SLC45A3: variants seen among roughly 807,000 people sequenced by gnomAD.
SLC45A3 encodes the protein prostate cancer associated protein 2.
SLC45A3 carries 17 observed loss-of-function variants against 35.3 expected under a neutral mutation model. The observed-to-expected ratio is 0.48, with a 90% CI of 0.33 to 0.72. SLC45A3 has a LOEUF of 0.72. SLC45A3 is among the 30% of genes least tolerant of loss of function. The probability of loss-of-function intolerance (pLI) is 0.02; values close to 1 mark genes in which losing one functional copy is unlikely to be tolerated. For missense variants in SLC45A3, 597 were observed against 731.7 expected, an observed-to-expected ratio of 0.82 and a Z score of 2.12; for synonymous variants, 288 against 334.3, an observed-to-expected ratio of 0.86 and a Z score of 1.51.
intron 4 of SLC45A3, 141 bp downstream of exon 4, chr1:205,661,720 G>A: frequency 7.9e-7 from 1 of 1,260,576 alleles, no homozygotes; most frequent in South Asian, 1.6e-5. Context: ...CTCTGGCCCT[G>A]GGGCTAGGAT....
chr1:205,670,945 T>A (rs923986403), intron 1 of SLC45A3, among the ~76,000 whole-genome samples: 7 of 152,150 alleles, frequency 4.6e-5, no homozygotes, highest in Non-Finnish European at 8.8e-5. Flanking sequence ...ACCCCCAATG[T>A]GTGAAAACCC....
In SLC45A3 at chr1:205,662,651, G is replaced by T; in HGVS notation, c.958+182C>A. On this transcript the variant is annotated intron_variant, in intron 3 of 4. Coordinates refer to ENST00000367145, the MANE Select transcript of SLC45A3 (RefSeq NM_033102.3). The surrounding 1 kb of genome is among the most constrained non-coding windows in gnomAD (Gnocchi z 6.2). Reference sequence around the variant, plus strand: ...TCCTAGAGCAGCCAGAGGCCTTCCTGAAACCGCAAGCAGAGATGTTCCACA... The same window carrying T: ...TCCTAGAGCAGCCAGAGGCCTTCCTTAAACCGCAAGCAGAGATGTTCCACA... 1 of 1,384,634 alleles carries T rather than the reference G, an allele frequency of 7.2e-7. No homozygotes were observed. Among genetic ancestry groups the T allele is most frequent in the Admixed American group, 3.2e-5 (1 of 31,366 alleles). 85.8% of individuals were successfully genotyped at this position (1,384,634 alleles called of 1,614,324 possible). A position where few individuals can be genotyped will look rare whatever the true frequency, so the allele number is the denominator to read the frequency against.
rs377378511 is a variant in SLC45A3 at position 205,669,051 on chromosome 1, G to A, written c.-230-4165C>T. On this transcript the variant is annotated intron_variant, in intron 1 of 4. Coordinates refer to ENST00000367145, the MANE Select transcript of SLC45A3 (RefSeq NM_033102.3). The surrounding 1 kb of genome is among the most constrained non-coding windows in gnomAD (Gnocchi z 4.1). ...TCCCACCCCAGCAAGAAAAGGGGCC[G>A]GGAAATGTTTACCTAATGAATGAAT... is the stretch of plus-strand genomic sequence containing the variant. 3.5e-4 allele frequency among the ~76,000 whole-genome samples: 53 copies of A among 152,268 alleles called. No homozygotes were observed. Among genetic ancestry groups the A allele is most frequent in the Non-Finnish European group, 6.3e-4 (43 of 68,012 alleles).
chr1:205,679,471 A>G (rs1331503900), intron 1 of SLC45A3, among the ~76,000 whole-genome samples: 3 of 152,110 alleles, frequency 2.0e-5, no homozygotes, highest in Admixed American at 6.6e-5. Flanking sequence ...CGCACTAGGG[A>G]GAAAGCATGC....
At chr1:205,679,633 G>A (rs1370500252) in intron 1 of SLC45A3, among the ~76,000 whole-genome samples, 2 of 151,302 alleles carry the variant, frequency 1.3e-5, no homozygotes, top group African/African-American at 2.4e-5. Flanking sequence ...AGAAAACAGC[G>A]GCCTTTCTCT....
rs1209957799 is a variant in SLC45A3, at chr1:205,658,730, A to G, written c.*504T>C. ...GCCCCTCAGGACTCTTCCCCTACAAATAACTTTCATATGTTCAAATCCCAT... is the reference window on the plus strand; with the variant it reads ...GCCCCTCAGGACTCTTCCCCTACAAGTAACTTTCATATGTTCAAATCCCAT... On this transcript the variant is annotated 3_prime_UTR_variant, in exon 5 of 5. Transcript: ENST00000367145. The G allele has an allele frequency of 2.1e-5, 5 of 238,586 alleles. No individual in the cohort carries two copies. Among genetic ancestry groups the G allele is most frequent in the Admixed American group, 2.1e-4 (4 of 19,424 alleles). 14.8% of individuals were successfully genotyped at this position (238,586 alleles called of 1,614,324 possible).
chr1:205,679,248 C>A (rs1265256769), intron 1 of SLC45A3, among the ~76,000 whole-genome samples: 1 of 152,176 alleles, frequency 6.6e-6, no homozygotes, highest in South Asian at 2.1e-4. Context: ...CGAGTCCTCA[C>A]CAGGTACCCA....
rs146552250 is a variant in SLC45A3, at chr1:205,663,237, G to A, written c.554C>T (p.Thr185Ile). The A allele has an allele frequency of 6.2e-6, 10 of 1,613,668 alleles. No homozygotes were observed. In the African/African-American group the frequency reaches 8.0e-5, roughly 13 times the overall value. Reference protein sequence around the residue: ...GYLLPAIDWDTSALAPYLGTQ... With the variant: ...GYLLPAIDWDISALAPYLGTQ... ...GCCCAGGTAGGGGGCCAGGGCACTG[G>A]TGTCCCAGTCAATGGCAGGCAGGAG... The change falls in exon 3 of 5, where the codon ACC becomes ATC. Residue 185 changes from threonine (T) to isoleucine (I), a missense_variant. Coordinates refer to ENST00000367145, the MANE Select transcript of SLC45A3 (RefSeq NM_033102.3).
Position 205,676,814 on chromosome 1 carries a change from A to G in SLC45A3, c.-231+3580T>C, listed in dbSNP as rs376298486. Among the ~76,000 whole-genome samples, 27 of 152,198 alleles carry G rather than the reference A, an allele frequency of 1.8e-4. No individual in the cohort carries two copies. The East Asian group carries it at 4.6e-3, about 26-fold the overall frequency. Reference sequence around the variant, plus strand: ...CAGCCCAAGCAGGGACACTTAATACACTGGACAAAGCTCAACACTCCAGCT... The same window carrying G: ...CAGCCCAAGCAGGGACACTTAATACGCTGGACAAAGCTCAACACTCCAGCT... On this transcript the variant is annotated intron_variant, in intron 1 of 4. Coordinates refer to ENST00000367145, the MANE Select transcript of SLC45A3 (RefSeq NM_033102.3).
At position 205,663,344 on chromosome 1, in the gene SLC45A3, G is replaced by T. The variant is rs1242096793; in HGVS notation, c.447C>A (p.Asp149Glu). The change falls in exon 3 of 5, where the codon GAC becomes GAA. Residue 149 changes from aspartate (D) to glutamate (E), a missense_variant. Asp to Glu is a conservative substitution (Grantham distance 45, BLOSUM62 2). This residue lies in a region of SLC45A3 where 555 missense variants were observed against 664.9 expected (regional missense o/e 0.83). Transcript: ENST00000367145. ...CFTPLEALLS[D>E]LFRDPDHCRQ... is the part of the protein sequence containing the mutation. ...GACAGTGGTCCGGGTCCCGGAAGAG[G>T]TCAGAGAGCAGGGCCTCCAGTGGAG... 6.2e-7 allele frequency: 1 copy of T among 1,613,420 alleles called. No homozygotes were observed. The highest frequency in any genetic ancestry group is 1.1e-5 in the South Asian group (1 of 91,088).
chr1:205,659,804 A>G lies in SLC45A3; in HGVS notation c.1225-133T>C. 1 of 824,924 alleles carries G rather than the reference A, an allele frequency of 1.2e-6. No individual in the cohort carries two copies. 51.1% of individuals were successfully genotyped at this position (824,924 alleles called of 1,614,324 possible). A position where few individuals can be genotyped will look rare whatever the true frequency, so the allele number is the denominator to read the frequency against. On this transcript the variant is annotated intron_variant, in intron 4 of 4. Transcript: ENST00000367145. This position sits in a 1 kb window ranked among gnomAD's most constrained non-coding sequence, Gnocchi z 5.8. The stretch of plus-strand genomic sequence containing the variant: ...ACTTCATGAGAATCAGGAGCAGGAG[A>G]GAAGATGGAGACCCTACTTGGTCCA...
chr1:205,677,274 C>T (rs1405281319), intron 1 of SLC45A3, among the ~76,000 whole-genome samples: 2 of 152,190 alleles, frequency 1.3e-5, no homozygotes, highest in Non-Finnish European at 2.9e-5. Context: ...GATCTTTGCA[C>T]AGGACCACAA....
In SLC45A3 at chr1:205,662,170, G is replaced by A. The variant is rs918175539; in HGVS notation, c.959-44C>T. 5 of 1,580,250 alleles carry A rather than the reference G, an allele frequency of 3.2e-6. No individual in the cohort carries two copies. The highest frequency in any genetic ancestry group is 4.3e-6 in the Non-Finnish European group (5 of 1,161,964). On this transcript the variant is annotated intron_variant, in intron 3 of 4. Transcript: ENST00000367145. This position sits in a 1 kb window ranked among gnomAD's most constrained non-coding sequence, Gnocchi z 6.2. ...CATCAGACAGAGCCTGGGAGGGAAG[G>A]GTCGGAGCAGTCTCAGGGAGATGAG...
rs1362008324 is a variant in SLC45A3, at chr1:205,667,001, A to G, written c.-230-2115T>C. On this transcript the variant is annotated intron_variant, in intron 1 of 4. Transcript: ENST00000367145. Reference sequence around the variant, plus strand: ...GAGACCAGGTCCTCCCTGAGCAAACAGAGACTTTGTTAGACCCAGCCTCGC... The same window carrying G: ...GAGACCAGGTCCTCCCTGAGCAAACGGAGACTTTGTTAGACCCAGCCTCGC... 2.6e-5 allele frequency among the ~76,000 whole-genome samples: 4 copies of G among 152,180 alleles called. No homozygotes were observed. The East Asian group carries it at 7.7e-4, about 29-fold the overall frequency.
Position 205,662,625 on chromosome 1 carries a change from C to CTCCT in SLC45A3, c.958+204_958+207dup. 2 of 1,379,296 alleles carry CTCCT rather than the reference C, an allele frequency of 1.5e-6. No homozygotes were observed. The highest frequency in any genetic ancestry group is 1.9e-6 in the Non-Finnish European group (2 of 1,071,692). The allele number at this position is 1,379,296 out of a possible 1,614,324, so 85.4% of individuals were successfully genotyped here. ...AACTGGGGCAACGACTCTGATCAGA[C>CTCCT]TCCTAGAGCAGCCAGAGGCCTTCCT... On this transcript the variant is annotated intron_variant, in intron 3 of 4. Coordinates refer to ENST00000367145, the MANE Select transcript of SLC45A3 (RefSeq NM_033102.3). This position sits in a 1 kb window ranked among gnomAD's most constrained non-coding sequence, Gnocchi z 6.2.
chr1:205,662,163 A>G lies in SLC45A3; in HGVS notation c.959-37T>C. On this transcript the variant is annotated intron_variant, in intron 3 of 4. Transcript: ENST00000367145. This position sits in a 1 kb window ranked among gnomAD's most constrained non-coding sequence, Gnocchi z 6.2. ...GAGGGGCCATCAGACAGAGCCTGGG[A>G]GGGAAGGGTCGGAGCAGTCTCAGGG... The G allele has an allele frequency of 1.3e-6, 2 of 1,594,254 alleles. No homozygotes were observed. Among genetic ancestry groups the G allele is most frequent in the Non-Finnish European group, 1.7e-6 (2 of 1,169,014 alleles).
Position 205,670,352 on chromosome 1 carries a change from T to C in SLC45A3, c.-230-5466A>G, listed in dbSNP as rs375898366. Among the ~76,000 whole-genome samples, 5 of 152,118 alleles carry C rather than the reference T, an allele frequency of 3.3e-5. No individual in the cohort carries two copies. In the South Asian group the frequency reaches 6.2e-4, roughly 19 times the overall value. Reference sequence around the variant, plus strand: ...TCTTTGATTCTCTGGGGCCAAATATTTCCAAAGCAGTGAGGGTCTCTGCTT... The same window carrying C: ...TCTTTGATTCTCTGGGGCCAAATATCTCCAAAGCAGTGAGGGTCTCTGCTT... On this transcript the variant is annotated intron_variant, in intron 1 of 4. Transcript: ENST00000367145.
intron 1 of SLC45A3, among the ~76,000 whole-genome samples, chr1:205,672,813 G>T (rs1442241074): frequency 6.6e-6 from 1 of 152,082 alleles, no homozygotes; most frequent in East Asian, 1.9e-4. Flanking sequence ...GGATAATGCC[G>T]AAGGTTCTTT....
intron 2 of SLC45A3, 29 bp from the exon 3 acceptor site, chr1:205,663,647 T>C (rs1671069020): frequency 2.0e-6 from 3 of 1,528,082 alleles, no homozygotes; most frequent in Non-Finnish European, 2.6e-6. Flanking sequence ...TATGAGTCAA[T>C]GGCTGGGACA....
Sources: allele counts gnomAD v4.1 joint callset (sites outside exome capture counted in the v4.1 genomes callset), GRCh38; gene constraint gnomAD v4.1.1; regional missense constraint gnomAD v4.1.1; non-coding constraint Gnocchi (gnomAD v3.1); transcripts MANE v1.5; gene names NCBI Gene and HGNC (gene_info 2026-07-23, HGNC 2026-07-21).